The following LYRM7 variants were observed in gnomAD, a reference collection of about 807,000 sequenced individuals.
The protein encoded by LYRM7 is complex III assembly factor LYRM7.
A neutral mutation model predicts 15.8 loss-of-function variants in LYRM7; 9 were observed. The ratio of observed to expected loss-of-function variants is 0.57; its 90% confidence interval spans 0.34 to 0.99. LYRM7 has a LOEUF of 0.99. Ranked by LOEUF, LYRM7 falls within the 50% of genes least tolerant of loss-of-function variation. The probability of loss-of-function intolerance (pLI) is 0.02; values close to 1 mark genes in which losing one functional copy is unlikely to be tolerated. For synonymous variants in LYRM7, 39 were observed against 39.4 expected (o/e 0.99, Z 0.04); for missense variants, 115 against 119.1 (o/e 0.97, Z 0.16).
rs1303429755 is a variant in LYRM7, at chr5:131,201,938, G to A, written c.*2337G>A. On this transcript the variant is annotated 3_prime_UTR_variant, in exon 5 of 5. Coordinates refer to ENST00000379380, the MANE Select transcript of LYRM7 (RefSeq NM_181705.4). ...AAGCCTTGACCCCTGGGGCTCAGCA[G>A]TTATGCCAACTAAGCCTCCCAAATA... 1.3e-5 allele frequency: 2 copies of A among 152,222 alleles called. No individual in the cohort carries two copies. Among genetic ancestry groups the A allele is most frequent in the East Asian group, 1.9e-4 (1 of 5,154 alleles). 9.4% of individuals were successfully genotyped at this position (152,222 alleles called of 1,614,324 possible).
intron 3 of LYRM7, among the ~76,000 whole-genome samples, chr5:131,184,936 A>G (rs984833306): frequency 1.3e-5 from 2 of 152,124 alleles, no homozygotes; most frequent in Admixed American, 6.5e-5. Context: ...CTTGACTGCT[A>G]TTCTTCTCTC....
chr5:131,187,996 C>T (rs1388241836), intron 4 of LYRM7, among the ~76,000 whole-genome samples: 1 of 152,004 alleles, frequency 6.6e-6, no homozygotes, highest in African/African-American at 2.4e-5. Context: ...GTGGCTCATT[C>T]CTGTAATCCC....
rs993448823 is a variant in LYRM7, at chr5:131,203,352, A to G, written c.*3751A>G. Reference sequence around the variant, plus strand: ...AACACTTAAAAAGGAGAGATATACTATGTTCCTAGATAGGACAATTGAAAA... The same window carrying G: ...AACACTTAAAAAGGAGAGATATACTGTGTTCCTAGATAGGACAATTGAAAA... On this transcript the variant is annotated 3_prime_UTR_variant, in exon 5 of 5. Transcript: ENST00000379380. 6 of 152,258 alleles carry G rather than the reference A, an allele frequency of 3.9e-5. No individual in the cohort carries two copies. The highest frequency in any genetic ancestry group is 1.4e-4 in the African/African-American group (6 of 41,472). The allele number at this position is 152,258 out of a possible 1,614,324, so 9.4% of individuals were successfully genotyped here. A position where few individuals can be genotyped will look rare whatever the true frequency, so the allele number is the denominator to read the frequency against.
At position 131,200,974 on chromosome 5, in the gene LYRM7, T is replaced by C. The variant is rs1047658624; in HGVS notation, c.*1373T>C. 1 of 152,206 alleles carries C rather than the reference T, an allele frequency of 6.6e-6. No individual in the cohort carries two copies. The highest frequency in any genetic ancestry group is 3.4e-3 in the Middle Eastern group (1 of 294). 9.4% of individuals were successfully genotyped at this position (152,206 alleles called of 1,614,324 possible). The stretch of plus-strand genomic sequence containing the variant: ...TAGTCATTATTAGTAGCAGATGAGA[T>C]TAATAATTCACATGTTTATTAAAGA... On this transcript the variant is annotated 3_prime_UTR_variant, in exon 5 of 5. Transcript: ENST00000379380.
intron 3 of LYRM7, among the ~76,000 whole-genome samples, chr5:131,185,104 T>C (rs937016175): frequency 6.6e-6 from 1 of 152,084 alleles, no homozygotes; most frequent in African/African-American, 2.4e-5. Context: ...GGCCTCCTGC[T>C]TCTAGCCGCA....
At chr5:131,194,896 G>A (rs1258705112) in intron 4 of LYRM7, among the ~76,000 whole-genome samples, 4 of 152,178 alleles carry the variant, frequency 2.6e-5, no homozygotes, top group Non-Finnish European at 5.9e-5. Flanking sequence ...GCAGCCAGAG[G>A]CTGCTTCTGT....
chr5:131,181,380 TA>T (rs201551158), intron 2 of LYRM7, among the ~76,000 whole-genome samples: 11,356 of 93,646 alleles, frequency 0.12, 906 homozygotes, highest in African/African-American at 0.19. Context: ...TATGTATATA[TA>T]ATATATACAT....
chr5:131,191,838 T>C (rs1173500819), intron 4 of LYRM7, among the ~76,000 whole-genome samples: 4 of 151,830 alleles, frequency 2.6e-5, no homozygotes, highest in Non-Finnish European at 5.9e-5. Flanking sequence ...AGTATAGAGG[T>C]TCCTCAAAAA....
chr5:131,175,721 T>C (rs1209116330), intron 1 of LYRM7, among the ~76,000 whole-genome samples: 1 of 150,266 alleles, frequency 6.7e-6, no homozygotes, highest in Non-Finnish European at 1.5e-5. Context: ...TTTTTGTAGA[T>C]ACAGGGTTTG....
At chr5:131,186,113 G>A (rs1178092457) in intron 3 of LYRM7, among the ~76,000 whole-genome samples, 3 of 152,150 alleles carry the variant, frequency 2.0e-5, no homozygotes, top group African/African-American at 4.8e-5. Flanking sequence ...AAGTAATTTT[G>A]ACCTCACAGA....
chr5:131,186,504 G>A (rs929307012), intron 3 of LYRM7, among the ~76,000 whole-genome samples: 1 of 152,156 alleles, frequency 6.6e-6, no homozygotes, highest in Admixed American at 6.5e-5. Context: ...ATCCTCAGTG[G>A]ATGCCTCAAA....
At chr5:131,197,489 G>A (rs1311456809) in intron 4 of LYRM7, among the ~76,000 whole-genome samples, 1 of 148,322 alleles carries the variant, frequency 6.7e-6, no homozygotes, top group Non-Finnish European at 1.5e-5. Context: ...TTAATTAAGT[G>A]AAATATTCAG....
At position 131,184,640 on chromosome 5, in the gene LYRM7, C is replaced by CGGGGG. The variant is rs561008958; in HGVS notation, c.162+2347_162+2351dup. Among the ~76,000 whole-genome samples, 71 of 127,342 alleles carry CGGGGG rather than the reference C, an allele frequency of 5.6e-4. 1 individual carries two copies. The highest frequency in any genetic ancestry group is 2.6e-3 in the African/African-American group (69 of 26,872). The allele number at this position is 127,342 out of a possible 152,430, so 83.5% of individuals were successfully genotyped here. ...GTCAGACAAATGGAATTTTTTTTGG[C>CGGGGG]GGGGGGGGGGTTCCAGGATTCATGC... On this transcript the variant is annotated intron_variant, in intron 3 of 4. Transcript: ENST00000379380.
At chr5:131,178,961 CAA>C (rs58612746) in intron 1 of LYRM7, among the ~76,000 whole-genome samples, 751 of 62,906 alleles carry the variant, frequency 0.012, 2 homozygotes, top group African/African-American at 0.038. Context: ...GACTCCGTCT[CAA>C]AAAAAAAAAA....
At chr5:131,184,646 G>T (rs984949224) in intron 3 of LYRM7, among the ~76,000 whole-genome samples, 4 of 144,412 alleles carry the variant, frequency 2.8e-5, no homozygotes, top group Non-Finnish European at 5.9e-5. Flanking sequence ...TTGGCGGGGG[G>T]GGGGTTCCAG....
At chr5:131,198,801 C>T (rs990045979) in intron 4 of LYRM7, among the ~76,000 whole-genome samples, 15 of 151,418 alleles carry the variant, frequency 9.9e-5, no homozygotes, top group Non-Finnish European at 1.9e-4. Context: ...CAACTCTAGA[C>T]CTCAAATGAT....
chr5:131,190,274 C>A (rs926076982), intron 4 of LYRM7, among the ~76,000 whole-genome samples: 1 of 152,148 alleles, frequency 6.6e-6, no homozygotes, highest in Non-Finnish European at 1.5e-5. Flanking sequence ...CGTCTCACTG[C>A]AACCTCTGCC....
chr5:131,174,776 C>T (rs982789221), intron 1 of LYRM7, among the ~76,000 whole-genome samples: 16 of 151,964 alleles, frequency 1.1e-4, no homozygotes, highest in African/African-American at 3.1e-4. Flanking sequence ...CCCAGAAGAT[C>T]GAGACTTCAG....
chr5:131,172,449 A>G (rs565449211), intron 1 of LYRM7, among the ~76,000 whole-genome samples: 1 of 152,336 alleles, frequency 6.6e-6, no homozygotes, highest in South Asian at 2.1e-4. Context: ...CTCTCAAGGA[A>G]GTTCAGACCT....
Sources: allele counts gnomAD v4.1 joint callset (sites outside exome capture counted in the v4.1 genomes callset), GRCh38; gene constraint gnomAD v4.1.1; transcripts MANE v1.5; gene names NCBI Gene and HGNC (gene_info 2026-07-23, HGNC 2026-07-21).